ACBD6: variants seen among roughly 807,000 people sequenced by gnomAD.
ACBD6 encodes the protein acyl-CoA-binding domain-containing protein 6.
In ACBD6, 28 loss-of-function variants were observed where a neutral mutation model predicts 37.2. The ratio of observed to expected loss-of-function variants is 0.75; its 90% confidence interval spans 0.56 to 1.03. ACBD6 has a LOEUF of 1.03. Among genes scored for constraint, ACBD6 ranks in the 50% least tolerant of loss-of-function variants. The pLI is 0.00. For missense variants in ACBD6, 340 were observed against 337.4 expected, an observed-to-expected ratio of 1.01 and a Z score of -0.06; for synonymous variants, 113 against 126.8, an observed-to-expected ratio of 0.89 and a Z score of 0.73.
intron 4 of ACBD6, among the ~76,000 whole-genome samples, chr1:180,415,267 C>T (rs1157732015): frequency 1.3e-5 from 2 of 151,594 alleles, no homozygotes; most frequent in African/African-American, 2.4e-5. Flanking sequence ...CGTGGTGACA[C>T]GTGCATGTAA....
chr1:180,413,857 C>CAG (rs1647966845), intron 4 of ACBD6, among the ~76,000 whole-genome samples: 1 of 152,172 alleles, frequency 6.6e-6, no homozygotes, highest in South Asian at 2.1e-4. Flanking sequence ...ACCCAGCACT[C>CAG]TTCTAAGTAT....
In ACBD6 at chr1:180,495,792, C is replaced by T. The variant is rs1316741025; in HGVS notation, c.223-267G>A. On this transcript the variant is annotated intron_variant, in intron 1 of 7. Coordinates refer to ENST00000367595, the MANE Select transcript of ACBD6 (RefSeq NM_032360.4). ...AGAAAAACTGTGATAAACGGTTGCA[C>T]TTCGAAGTTAGTAGACTATATATAA... Among the ~76,000 whole-genome samples the T allele has an allele frequency of 8.5e-5, 13 of 152,240 alleles. 1 individual carries two copies. In the South Asian group the frequency reaches 2.5e-3, roughly 29 times the overall value.
Position 180,502,532 on chromosome 1 carries a change from A to G in ACBD6, c.-266T>C. The G allele has an allele frequency of 1.9e-6, 1 of 513,530 alleles. No homozygotes were observed. The highest frequency in any genetic ancestry group is 3.6e-6 in the Non-Finnish European group (1 of 281,624). The allele number at this position is 513,530 out of a possible 1,614,324, so 31.8% of individuals were successfully genotyped here. A position where few individuals can be genotyped will look rare whatever the true frequency, so the allele number is the denominator to read the frequency against. On this transcript the variant is annotated 5_prime_UTR_variant, in exon 1 of 8. Coordinates refer to ENST00000367595, the MANE Select transcript of ACBD6 (RefSeq NM_032360.4). ...CTTCCCTCCGGCCAACAGCGCGCTC[A>G]GGCTCGCCTCAGGCCCCTCCAACGG...
At chr1:180,423,202 T>C (rs571407120) in intron 4 of ACBD6, among the ~76,000 whole-genome samples, 4 of 152,296 alleles carry the variant, frequency 2.6e-5, no homozygotes, top group East Asian at 1.9e-4. Flanking sequence ...TTGCTGCAAA[T>C]TTCCAAAAAA....
intron 3 of ACBD6, among the ~76,000 whole-genome samples, chr1:180,454,422 C>G (rs951923001): frequency 3.3e-5 from 5 of 152,130 alleles, no homozygotes; most frequent in African/African-American, 1.2e-4. Flanking sequence ...TATAAAAACC[C>G]TAGAAGAAAA....
At chr1:180,476,385 T>C (rs1181669757) in intron 3 of ACBD6, among the ~76,000 whole-genome samples, 6 of 152,146 alleles carry the variant, frequency 3.9e-5, no homozygotes, top group African/African-American at 7.2e-5. Flanking sequence ...TAGGCATAAA[T>C]GGGTTAAATT....
At chr1:180,414,935 G>A (rs940575827) in intron 4 of ACBD6, among the ~76,000 whole-genome samples, 2 of 152,124 alleles carry the variant, frequency 1.3e-5, no homozygotes. Context: ...TACCACGTTA[G>A]CCATATTTAA....
chr1:180,342,265 A>T (rs1026607281), intron 6 of ACBD6, among the ~76,000 whole-genome samples: 2 of 152,182 alleles, frequency 1.3e-5, no homozygotes, highest in African/African-American at 4.8e-5. Context: ...CTGCCTTCCA[A>T]GAGTAGTAGA....
At chr1:180,401,369 C>G (rs1647350804) in intron 5 of ACBD6, among the ~76,000 whole-genome samples, 1 of 152,152 alleles carries the variant, frequency 6.6e-6, no homozygotes, top group African/African-American at 2.4e-5. Flanking sequence ...CTGGAAAATA[C>G]AGAGAGCACA....
intron 3 of ACBD6, chr1:180,435,537 G>C (rs148772338): frequency 1.6e-5 from 13 of 801,526 alleles, no homozygotes; most frequent in East Asian, 5.2e-5. Context: ...AGGCATGAGC[G>C]ACCATGCCCA....
chr1:180,472,806 A>C (rs1204168922), intron 3 of ACBD6, among the ~76,000 whole-genome samples: 1 of 152,228 alleles, frequency 6.6e-6, no homozygotes, highest in Non-Finnish European at 1.5e-5. Flanking sequence ...TTCAGCAAGA[A>C]ACAGCATTAG....
chr1:180,373,854 C>T (rs1653344420), intron 6 of ACBD6, among the ~76,000 whole-genome samples: 1 of 151,946 alleles, frequency 6.6e-6, no homozygotes, highest in African/African-American at 2.4e-5. Flanking sequence ...ATCCTAAAGC[C>T]ATATACATTA....
At chr1:180,293,614 T>A (rs1356716273) in intron 7 of ACBD6, among the ~76,000 whole-genome samples, 1 of 152,144 alleles carries the variant, frequency 6.6e-6, no homozygotes, top group Non-Finnish European at 1.5e-5. Flanking sequence ...GCCAATTTCA[T>A]CCTTAAATAC....
intron 6 of ACBD6, among the ~76,000 whole-genome samples, chr1:180,336,326 T>G (rs1311129246): frequency 4.7e-5 from 7 of 148,112 alleles, no homozygotes; most frequent in African/African-American, 1.8e-4. Context: ...CAGACCACAG[T>G]GCAATCAAAC....
intron 8 of ACBD6, among the ~76,000 whole-genome samples, chr1:180,282,051 G>A (rs1248823188): frequency 1.3e-5 from 2 of 151,694 alleles, no homozygotes; most frequent in East Asian, 1.9e-4. Context: ...TTTCTTTTTG[G>A]TGATTTTTCC....
At chr1:180,349,902 A>G (rs530264700) in intron 6 of ACBD6, among the ~76,000 whole-genome samples, 1 of 151,790 alleles carries the variant, frequency 6.6e-6, no homozygotes, top group South Asian at 2.1e-4. Flanking sequence ...AATCACGTAA[A>G]TATTTTTTTT....
chr1:180,283,920 TA>T (rs137929457), downstream of ACBD6, among the ~76,000 whole-genome samples: 17 of 151,678 alleles, frequency 1.1e-4, no homozygotes, highest in Non-Finnish European at 2.1e-4. Context: ...ATTCCAAAAT[TA>T]AAAAAAACAC....
At chr1:180,480,857 C>T (rs998806161) in intron 3 of ACBD6, among the ~76,000 whole-genome samples, 2 of 152,004 alleles carry the variant, frequency 1.3e-5, no homozygotes, top group African/African-American at 4.8e-5. Flanking sequence ...ATGGTGAGGC[C>T]TTGTCTCTAC....
chr1:180,337,259 A>G lies in ACBD6; in HGVS notation c.664-22537T>C, dbSNP rs1401308921. 4.6e-3 allele frequency among the ~76,000 whole-genome samples: 705 copies of G among 152,094 alleles called. 4 individuals carry two copies. Among genetic ancestry groups the G allele is most frequent in the African/African-American group, 0.016 (665 of 41,342 alleles). On this transcript the variant is annotated intron_variant, in intron 6 of 7. Transcript: ENST00000367595. ...CATCGATGCAAAAATCCTCAATAAAATACTGAAAAACCGAATCCAGCAGCA... is the reference window on the plus strand; with the variant it reads ...CATCGATGCAAAAATCCTCAATAAAGTACTGAAAAACCGAATCCAGCAGCA...
Sources: allele counts gnomAD v4.1 joint callset (sites outside exome capture counted in the v4.1 genomes callset), GRCh38; gene constraint gnomAD v4.1.1; transcripts MANE v1.5; gene names NCBI Gene and HGNC (gene_info 2026-07-23, HGNC 2026-07-21).